PUS7: variants seen among roughly 807,000 people sequenced by gnomAD.
The protein encoded by PUS7 is pseudouridylate synthase 7 homolog.
A neutral mutation model predicts 79.8 loss-of-function variants in PUS7; 48 were observed. The ratio of observed to expected loss-of-function variants is 0.60; its 90% confidence interval spans 0.48 to 0.76. PUS7 has a LOEUF of 0.76. Ranked by LOEUF, PUS7 falls within the 30% of genes least tolerant of loss-of-function variation. The pLI is 0.00. For synonymous variants in PUS7, 286 were observed against 272.2 expected, an observed-to-expected ratio of 1.05 and a Z score of -0.50; for missense variants, 729 against 797.6, an observed-to-expected ratio of 0.91 and a Z score of 1.04.
chr7:105,468,356 C>G lies in PUS7; in HGVS notation c.1506G>C (p.Gly502=), dbSNP rs938183245. The part of the protein sequence containing the change: ...IEDYGLKPVP[G]DLVLKGATAT... ...TTTTACCTCCTTTGAGAACGAGGTC[C>G]CCTGGAACAGGTTTTAGTCCATAGT... Residue 502 remains glycine, a synonymous_variant, in exon 12 of 16, where the codon GGG becomes GGC. Coordinates refer to ENST00000469408, the MANE Select transcript of PUS7 (RefSeq NM_019042.5). 6.2e-7 allele frequency: 1 copy of G among 1,613,080 alleles called. No homozygotes were observed. Among genetic ancestry groups the G allele is most frequent in the African/African-American group, 1.3e-5 (1 of 74,862 alleles).
chr7:105,506,821 G>C (rs1167402515), intron 2 of PUS7, among the ~76,000 whole-genome samples: 2 of 152,076 alleles, frequency 1.3e-5, no homozygotes, highest in Non-Finnish European at 2.9e-5. Context: ...TATTCTTCCA[G>C]AGAAATGCAA....
Position 105,496,931 on chromosome 7 carries a change from CATGA to C in PUS7, c.731-1682_731-1679del, listed in dbSNP as rs1430502457. On this transcript the variant is annotated intron_variant, in intron 5 of 15. Coordinates refer to ENST00000469408, the MANE Select transcript of PUS7 (RefSeq NM_019042.5). ...AATCTTTGGCATTTCACTTTATCTA[CATGA>C]AATGCCAAATGCTCTTACCTGCTGC... 2.5e-6 allele frequency: 3 copies of C among 1,193,268 alleles called. No individual in the cohort carries two copies. In the South Asian group the frequency reaches 4.6e-5, roughly 18 times the overall value. The allele number at this position is 1,193,268 out of a possible 1,614,324, so 73.9% of individuals were successfully genotyped here.
chr7:105,464,340 A>T (rs1250974203), intron 13 of PUS7, among the ~76,000 whole-genome samples: 1 of 152,136 alleles, frequency 6.6e-6, no homozygotes, highest in African/African-American at 2.4e-5. Flanking sequence ...AGGGAAATCC[A>T]GGTGGTTTGG....
chr7:105,470,661 T>C, intron 11 of PUS7, 27 bp downstream of exon 11: 1 of 1,540,436 alleles, frequency 6.5e-7, no homozygotes, highest in Non-Finnish European at 8.8e-7. Flanking sequence ...CCTTGAGCCA[T>C]TGCCTGACTT....
intron 10 of PUS7, 79 bp from the exon 11 acceptor site, chr7:105,470,927 A>T (rs1823849371): frequency 7.2e-7 from 1 of 1,395,332 alleles, no homozygotes; most frequent in Non-Finnish European, 9.5e-7. Flanking sequence ...TTCACAGAGA[A>T]CACAAAATTA....
At position 105,489,121 on chromosome 7, in the gene PUS7, G is replaced by A. The variant is rs140431402; in HGVS notation, c.920+2419C>T. On this transcript the variant is annotated intron_variant, in intron 7 of 15. Transcript: ENST00000469408. ...TGAGATCCCACTACTGCACTCCAGCGTGGGCAACAGAGCGAAACTCCATCT... is the reference window on the plus strand; with the variant it reads ...TGAGATCCCACTACTGCACTCCAGCATGGGCAACAGAGCGAAACTCCATCT... Among the ~76,000 whole-genome samples, 176 of 138,406 alleles carry A rather than the reference G, an allele frequency of 1.3e-3. 1 individual carries two copies. The highest frequency in any genetic ancestry group is 2.4e-3 in the South Asian group (10 of 4,160). 90.8% of individuals were successfully genotyped at this position (138,406 alleles called of 152,430 possible).
intron 1 of PUS7, among the ~76,000 whole-genome samples, chr7:105,515,761 G>A (rs561649486): frequency 6.5e-4 from 90 of 138,504 alleles, no homozygotes; most frequent in Middle Eastern, 6.9e-3. Context: ...CTGAGTAGCT[G>A]GGCCCGACTA....
chr7:105,508,236 A>G lies in PUS7; in HGVS notation c.277T>C (p.Cys93Arg), dbSNP rs139058270. 6.0e-3 allele frequency: 9,607 copies of G among 1,613,548 alleles called. 39 individuals are homozygous for G. The highest frequency in any genetic ancestry group is 7.5e-3 in the Non-Finnish European group (8,872 of 1,179,884). ...EEEEDGLSEE[C>R]EEEESESFAD... ...AAACTCTCTGATTCCTCCTCCTCGC[A>G]CTCCTCTGAAAGTCCATCTTCCTCC... Residue 93 changes from cysteine (C) to arginine (R), a missense_variant, in exon 2 of 16, where the codon TGC becomes CGC. Coordinates refer to ENST00000469408, the MANE Select transcript of PUS7 (RefSeq NM_019042.5).
intron 10 of PUS7, 25 bp downstream of exon 10, chr7:105,472,107 T>A (rs774192561): frequency 2.0e-6 from 3 of 1,513,410 alleles, no homozygotes; most frequent in Non-Finnish European, 2.7e-6. Flanking sequence ...TCTATTTATT[T>A]TCTTAACATG....
intron 1 of PUS7, among the ~76,000 whole-genome samples, chr7:105,509,992 T>C (rs1248119843): frequency 6.6e-6 from 1 of 152,140 alleles, no homozygotes; most frequent in Non-Finnish European, 1.5e-5. Context: ...ATATGTATTA[T>C]CCTTTCAAAA....
At chr7:105,497,091 A>G (rs1825067794) in intron 5 of PUS7, 2 of 615,948 alleles carry the variant, frequency 3.2e-6, no homozygotes, top group Admixed American at 4.8e-5. Context: ...GGACTTCTAC[A>G]GCACCCGGTA....
At chr7:105,514,795 C>CTT (rs1562823601) in intron 1 of PUS7, among the ~76,000 whole-genome samples, 1 of 112,668 alleles carries the variant, frequency 8.9e-6, no homozygotes, top group Admixed American at 9.2e-5. Context: ...AATTCTCTCT[C>CTT]ATTTTTTTTT....
At chr7:105,463,741 T>C (rs544929870) in intron 13 of PUS7, among the ~76,000 whole-genome samples, 3 of 152,140 alleles carry the variant, frequency 2.0e-5, no homozygotes, top group Admixed American at 1.3e-4. Context: ...GTAACTAATA[T>C]AAGACATTGA....
At chr7:105,466,824 C>T (rs1000548721) in intron 12 of PUS7, among the ~76,000 whole-genome samples, 44 of 150,424 alleles carry the variant, frequency 2.9e-4, no homozygotes, top group Admixed American at 8.0e-4. Flanking sequence ...CATTAAAATA[C>T]ACTGGATGTG....
intron 5 of PUS7, among the ~76,000 whole-genome samples, chr7:105,496,218 T>TAAAG (rs1309951962): frequency 1.2e-5 from 1 of 81,836 alleles, no homozygotes; most frequent in African/African-American, 5.3e-5. Flanking sequence ...TATATATATA[T>TAAAG]ATATATATAG....
intron 15 of PUS7, among the ~76,000 whole-genome samples, chr7:105,458,504 T>G (rs1176225052): frequency 4.6e-5 from 7 of 151,362 alleles, no homozygotes; most frequent in African/African-American, 1.5e-4. Context: ...TGACCTCAAG[T>G]GATCCACTTG....
chr7:105,495,618 G>A (rs755943981), intron 5 of PUS7, among the ~76,000 whole-genome samples: 6 of 152,024 alleles, frequency 3.9e-5, no homozygotes, highest in African/African-American at 4.8e-5. Context: ...GGTGGTACAC[G>A]CCTGTGGTCC....
intron 1 of PUS7, among the ~76,000 whole-genome samples, chr7:105,520,399 C>T (rs1328708227): frequency 7.2e-6 from 1 of 139,496 alleles, no homozygotes; most frequent in Non-Finnish European, 1.6e-5. Context: ...GCGGAGCCTG[C>T]AGTGAGCCGA....
chr7:105,502,901 T>C (rs1158896535), intron 4 of PUS7, among the ~76,000 whole-genome samples: 3 of 152,190 alleles, frequency 2.0e-5, no homozygotes, highest in African/African-American at 7.2e-5. Flanking sequence ...GGTTTCACCA[T>C]GTTGGCCAGG....
Sources: gnomAD v4.1 joint callset for allele counts (sites outside exome capture counted in the v4.1 genomes callset) on GRCh38, gnomAD v4.1.1 for gene constraint, MANE v1.5 for transcripts, NCBI Gene and HGNC (gene_info 2026-07-23, HGNC 2026-07-21) for gene names.